GSTCD: variants seen among roughly 807,000 people sequenced by gnomAD.
The protein encoded by GSTCD is glutathione S-transferase C-terminal domain containing, also known as glutathione S-transferase C-terminal domain-containing protein.
In GSTCD, 44 loss-of-function variants were observed where a neutral mutation model predicts 68.3. That is an observed-to-expected ratio of 0.64 (90% CI 0.51 to 0.83). The LOEUF (loss-of-function observed/expected upper bound fraction) is 0.83, where lower values mean the gene tolerates loss of function less well. Ranked by LOEUF, GSTCD falls within the 40% of genes least tolerant of loss-of-function variation. The pLI, the probability that GSTCD is intolerant of heterozygous loss-of-function variation, is 0.00. For missense variants in GSTCD, 739 were observed against 735.9 expected (o/e 1.00, Z -0.05); for synonymous variants, 273 against 255.2 (o/e 1.07, Z -0.67).
chr4:105,748,876 A>G (rs1228953221), intron 5 of GSTCD, among the ~76,000 whole-genome samples: 1 of 152,068 alleles, frequency 6.6e-6, no homozygotes, highest in Admixed American at 6.5e-5. Flanking sequence ...ATAAAATTTT[A>G]CTGGGCAAAA....
intron 5 of GSTCD, among the ~76,000 whole-genome samples, chr4:105,747,414 C>A (rs996955568): frequency 6.6e-6 from 1 of 152,166 alleles, no homozygotes; most frequent in Non-Finnish European, 1.5e-5. Context: ...CCTAGAATTG[C>A]ATTTCTAAGA....
intron 5 of GSTCD, among the ~76,000 whole-genome samples, chr4:105,787,190 C>T (rs2149253004): frequency 6.6e-6 from 1 of 152,102 alleles, no homozygotes; most frequent in South Asian, 2.1e-4. Flanking sequence ...AGCAATAGTT[C>T]CCATACTTTC....
At chr4:105,771,371 T>G (rs1175718671) in intron 5 of GSTCD, among the ~76,000 whole-genome samples, 1 of 152,210 alleles carries the variant, frequency 6.6e-6, no homozygotes, top group African/African-American at 2.4e-5. Context: ...CTCTTTAGTT[T>G]AATTAAATCC....
At chr4:105,760,503 G>A (rs1176052593) in intron 5 of GSTCD, among the ~76,000 whole-genome samples, 1 of 152,072 alleles carries the variant, frequency 6.6e-6, no homozygotes, top group Non-Finnish European at 1.5e-5. Context: ...TAATTTATCT[G>A]TTTGTTAAGG....
chr4:105,729,220 G>C (rs140391557), intron 4 of GSTCD, among the ~76,000 whole-genome samples, 186 bp from the exon 5 acceptor site: 1 of 151,984 alleles, frequency 6.6e-6, no homozygotes, highest in African/African-American at 2.4e-5. Flanking sequence ...GAAAGTAATT[G>C]TGATGTCAAA....
intron 4 of GSTCD, 68 bp from the exon 5 acceptor site, chr4:105,729,338 T>A: frequency 2.3e-6 from 2 of 876,560 alleles, no homozygotes; most frequent in Non-Finnish European, 3.5e-6. Context: ...TATAATTTTT[T>A]AGCCTTCAAT....
intron 5 of GSTCD, among the ~76,000 whole-genome samples, chr4:105,809,836 C>A (rs1722684357): frequency 6.6e-6 from 1 of 151,562 alleles, no homozygotes; most frequent in Admixed American, 6.6e-5. Flanking sequence ...TACATTGTCT[C>A]AAAGTATACT....
At chr4:105,835,394 C>T (rs1311816027) in intron 9 of GSTCD, among the ~76,000 whole-genome samples, 1 of 152,178 alleles carries the variant, frequency 6.6e-6, no homozygotes, top group East Asian at 1.9e-4. Flanking sequence ...TTCACACAGC[C>T]AGGCATGCTG....
chr4:105,822,611 G>C (rs1723358403), intron 5 of GSTCD, among the ~76,000 whole-genome samples: 1 of 152,056 alleles, frequency 6.6e-6, no homozygotes, highest in African/African-American at 2.4e-5. Flanking sequence ...AACATTAATT[G>C]GACAGTTGGT....
chr4:105,732,669 G>GT (rs1560800620), intron 5 of GSTCD, among the ~76,000 whole-genome samples: 1 of 152,044 alleles, frequency 6.6e-6, no homozygotes, highest in Non-Finnish European at 1.5e-5. Context: ...TTTTTGAAGG[G>GT]TTTTTTGTGT....
intron 5 of GSTCD, among the ~76,000 whole-genome samples, chr4:105,809,992 GT>G (rs941504512): frequency 7.3e-5 from 11 of 151,688 alleles, no homozygotes; most frequent in African/African-American, 1.2e-4. Flanking sequence ...TGCTAACCTA[GT>G]TTTTTTTATT....
intron 1 of GSTCD, among the ~76,000 whole-genome samples, chr4:105,710,386 C>T (rs1732494055): frequency 6.9e-6 from 1 of 145,786 alleles, no homozygotes; most frequent in Admixed American, 6.9e-5. Flanking sequence ...ACACTCGGCT[C>T]CTTTTTTTTT....
intron 5 of GSTCD, among the ~76,000 whole-genome samples, chr4:105,787,938 A>G (rs1160412185): frequency 3.3e-5 from 5 of 152,118 alleles, no homozygotes; most frequent in Non-Finnish European, 5.9e-5. Context: ...ACATTTACTG[A>G]CTACAAAATT....
chr4:105,709,529 G>T (rs1040509249), intron 1 of GSTCD, among the ~76,000 whole-genome samples: 1 of 152,146 alleles, frequency 6.6e-6, no homozygotes, highest in Non-Finnish European at 1.5e-5. Flanking sequence ...CATCACAGCA[G>T]TATCTCTTGG....
At chr4:105,816,403 A>G (rs967826217) in intron 5 of GSTCD, among the ~76,000 whole-genome samples, 1 of 152,098 alleles carries the variant, frequency 6.6e-6, no homozygotes, top group Non-Finnish European at 1.5e-5. Flanking sequence ...AGGTGGGGAA[A>G]TGGTCTCTTT....
Position 105,760,996 on chromosome 4 carries a change from ATTTTTTTTT to A in GSTCD, c.1240+31514_1240+31522del, listed in dbSNP as rs35581423. Reference sequence around the variant, plus strand: ...TTGTATATCTCATTATCCTTTTTTAATTTTTTTTTTTTTTTTTTTTTTTTTGAGATGGAG... The same window carrying A: ...TTGTATATCTCATTATCCTTTTTTAATTTTTTTTTTTTTTTTGAGATGGAG... On this transcript the variant is annotated intron_variant, in intron 5 of 11. Transcript: ENST00000515279. The A allele has an allele frequency of 2.1e-4, 37 of 174,970 alleles. No homozygotes were observed. In the East Asian group the frequency reaches 2.5e-3, roughly 12 times the overall value. The allele number at this position is 174,970 out of a possible 1,614,324, so 10.8% of individuals were successfully genotyped here.
intron 5 of GSTCD, among the ~76,000 whole-genome samples, chr4:105,782,550 T>G (rs1311202670): frequency 6.6e-6 from 1 of 151,820 alleles, no homozygotes; most frequent in Non-Finnish European, 1.5e-5. Flanking sequence ...AAAACATCAT[T>G]CATGGCTTCA....
intron 9 of GSTCD, among the ~76,000 whole-genome samples, chr4:105,836,516 G>T (rs1724127461): frequency 6.6e-6 from 1 of 152,138 alleles, no homozygotes; most frequent in Non-Finnish European, 1.5e-5. Context: ...TGGTGCCCAT[G>T]GCACCCAGGC....
At chr4:105,838,996 C>G (rs2149286877) in intron 10 of GSTCD, among the ~76,000 whole-genome samples, 1 of 152,224 alleles carries the variant, frequency 6.6e-6, no homozygotes, top group East Asian at 1.9e-4. Context: ...TTCATTGTTA[C>G]CACATCAGCA....
Sources: allele counts gnomAD v4.1 joint callset (sites outside exome capture counted in the v4.1 genomes callset), GRCh38; gene constraint gnomAD v4.1.1; transcripts MANE v1.5; gene names NCBI Gene and HGNC (gene_info 2026-07-23, HGNC 2026-07-21).